Variants in SNX29 observed in about 807,000 individuals in gnomAD.
SNX29 encodes sorting nexin-29.
SNX29 carries 78 observed loss-of-function variants against 102.1 expected under a neutral mutation model. The ratio of observed to expected loss-of-function variants is 0.76; its 90% CI spans 0.64 to 0.92. The LOEUF (loss-of-function observed/expected upper bound fraction) is 0.92. Ranked by LOEUF, SNX29 falls within the 40% of genes least tolerant of loss-of-function variation. SNX29 has a pLI of 0.00. For missense variants in SNX29, 1,280 were observed against 1,061.7 expected (o/e 1.21, Z -2.86); for synonymous variants, 580 against 414.5 (o/e 1.40, Z -4.85).
chr16:12,232,479 C>T lies in SNX29; in HGVS notation c.1678+32796C>T, dbSNP rs559538686. Among the ~76,000 whole-genome samples, 3 of 152,350 alleles carry T rather than the reference C, an allele frequency of 2.0e-5. No individual in the cohort carries two copies. In the South Asian group the frequency reaches 6.2e-4, roughly 32 times the overall value. ...GAGGTTGCAGTGAGCCAAGATCGTGCCACTGCACTCCAGGCTGGGCCACAT... is the reference window on the plus strand; with the variant it reads ...GAGGTTGCAGTGAGCCAAGATCGTGTCACTGCACTCCAGGCTGGGCCACAT... On this transcript the variant is annotated intron_variant, in intron 14 of 20. Transcript: ENST00000566228.
intron 15 of SNX29, among the ~76,000 whole-genome samples, chr16:12,334,919 T>TTTTTTTTTG: frequency 6.6e-6 from 1 of 150,838 alleles, no homozygotes; most frequent in Non-Finnish European, 1.5e-5. Flanking sequence ...TTTTTTTTTT[T>TTTTTTTTTG]TTAAAAAGCA....
chr16:12,235,924 T>C (rs1391716195), intron 14 of SNX29, among the ~76,000 whole-genome samples: 1 of 152,096 alleles, frequency 6.6e-6, no homozygotes, highest in Non-Finnish European at 1.5e-5. Flanking sequence ...GATTCAGAAA[T>C]GAATAGCAAC....
intron 20 of SNX29, among the ~76,000 whole-genome samples, chr16:12,552,690 G>A (rs889206053): frequency 4.6e-5 from 7 of 152,192 alleles, no homozygotes; most frequent in African/African-American, 7.2e-5. Flanking sequence ...TACAAGGGTC[G>A]GGGGAAGATT....
At chr16:12,005,703 CA>C (rs1458024740) in intron 3 of SNX29, among the ~76,000 whole-genome samples, 1 of 152,120 alleles carries the variant, frequency 6.6e-6, no homozygotes, top group East Asian at 1.9e-4. Context: ...ATCCCTCATC[CA>C]AAAACCCGAA....
chr16:12,412,153 G>T (rs900759442), intron 18 of SNX29, among the ~76,000 whole-genome samples: 1 of 152,208 alleles, frequency 6.6e-6, no homozygotes. Context: ...CGGGTAGGAC[G>T]CCCCAGCCTC....
At chr16:11,990,425 C>T (rs1398797838) in intron 1 of SNX29, among the ~76,000 whole-genome samples, 1 of 152,150 alleles carries the variant, frequency 6.6e-6, no homozygotes, top group Non-Finnish European at 1.5e-5. Flanking sequence ...CATTTCCATG[C>T]CTCACCTGAC....
chr16:12,380,811 T>C (rs1423193363), intron 16 of SNX29, among the ~76,000 whole-genome samples: 11 of 35,878 alleles, frequency 3.1e-4, no homozygotes, highest in African/African-American at 2.8e-4. Context: ...CATCCATCCA[T>C]CCACCCGCCA....
intron 13 of SNX29, among the ~76,000 whole-genome samples, chr16:12,154,465 C>G (rs961794387): frequency 1.3e-5 from 2 of 152,106 alleles, no homozygotes; most frequent in African/African-American, 2.4e-5. Flanking sequence ...GCTGTGGTTC[C>G]TAATTACATA....
At chr16:12,321,342 C>A (rs1429381917) in intron 15 of SNX29, among the ~76,000 whole-genome samples, 1 of 152,148 alleles carries the variant, frequency 6.6e-6, no homozygotes, top group Non-Finnish European at 1.5e-5. Context: ...GAATGACTTC[C>A]CAAACCCAGT....
chr16:12,367,986 C>T (rs114555851), intron 16 of SNX29, among the ~76,000 whole-genome samples: 1,612 of 152,340 alleles, frequency 0.011, 27 homozygotes, highest in African/African-American at 0.037. Context: ...CTCTTTGGGC[C>T]TAGCTGTGTT....
At chr16:12,321,695 G>A (rs1226940414) in intron 15 of SNX29, among the ~76,000 whole-genome samples, 1 of 152,190 alleles carries the variant, frequency 6.6e-6, no homozygotes, top group East Asian at 1.9e-4. Flanking sequence ...CAACCAGCCT[G>A]TGGATACCCA....
At chr16:12,475,329 C>T (rs1195642283) in intron 18 of SNX29, among the ~76,000 whole-genome samples, 1 of 152,200 alleles carries the variant, frequency 6.6e-6, no homozygotes, top group East Asian at 1.9e-4. Flanking sequence ...TTCTCCACAC[C>T]AGATCTTGGA....
intron 4 of SNX29, among the ~76,000 whole-genome samples, chr16:12,032,783 C>A (rs1469989444): frequency 6.6e-6 from 1 of 151,852 alleles, no homozygotes; most frequent in Non-Finnish European, 1.5e-5. Flanking sequence ...CTGTTGCATT[C>A]CCACTAGCAA....
chr16:12,018,602 GAT>G (rs1227599831), intron 3 of SNX29, among the ~76,000 whole-genome samples: 30 of 151,470 alleles, frequency 2.0e-4, no homozygotes, highest in South Asian at 4.2e-4. Flanking sequence ...AAAAAAGAAA[GAT>G]ATATTTTATT....
At chr16:12,486,624 G>A (rs1451438164) in intron 19 of SNX29, among the ~76,000 whole-genome samples, 3 of 152,230 alleles carry the variant, frequency 2.0e-5, no homozygotes, top group Admixed American at 6.5e-5. Flanking sequence ...CAAGAAGGTC[G>A]GCTGTAGAGG....
intron 14 of SNX29, among the ~76,000 whole-genome samples, chr16:12,257,064 A>T (rs933884053): frequency 6.6e-6 from 1 of 151,954 alleles, no homozygotes; most frequent in South Asian, 2.1e-4. Flanking sequence ...GTTTCCATAG[A>T]CTCTAGGGGA....
intron 20 of SNX29, among the ~76,000 whole-genome samples, chr16:12,543,054 A>C (rs1614433): frequency 6.6e-6 from 1 of 152,032 alleles, no homozygotes; most frequent in Non-Finnish European, 1.5e-5. Context: ...TGTCACCAGG[A>C]CCCTGTTGGT....
At chr16:12,222,014 A>T (rs2077491995) in intron 14 of SNX29, among the ~76,000 whole-genome samples, 1 of 152,212 alleles carries the variant, frequency 6.6e-6, no homozygotes, top group Non-Finnish European at 1.5e-5. Context: ...GGTAGAGAGG[A>T]TGATAAAGAA....
chr16:12,523,528 G>A (rs546560647), intron 19 of SNX29, among the ~76,000 whole-genome samples: 8 of 152,332 alleles, frequency 5.3e-5, no homozygotes, highest in Non-Finnish European at 1.0e-4. Context: ...ACAGATACAC[G>A]GAGCAGGATT....
Sources: gnomAD v4.1 joint callset for allele counts (sites outside exome capture counted in the v4.1 genomes callset) on GRCh38, gnomAD v4.1.1 for gene constraint, MANE v1.5 for transcripts, NCBI Gene and HGNC (gene_info 2026-07-23, HGNC 2026-07-21) for gene names.